CEP89: variants seen among roughly 807,000 people sequenced by gnomAD.
CEP89 encodes the protein centrosomal protein of 89 kDa.
Under a neutral mutation model 97.6 loss-of-function variants are expected in CEP89, and 95 were observed. The observed-to-expected ratio is 0.97, with a 90% CI of 0.82 to 1.15. The LOEUF is 1.15. Among genes scored for constraint, CEP89 ranks in the 50% most tolerant of loss-of-function variants. The pLI is 0.00. For missense variants in CEP89, 869 were observed against 947.7 expected, an observed-to-expected ratio of 0.92 and a Z score of 1.09; for synonymous variants, 354 against 349.1, an observed-to-expected ratio of 1.01 and a Z score of -0.16.
chr19:32,931,612 T>C (rs777757223), intron 8 of CEP89, 41 bp from the exon 9 acceptor site: 1 of 1,446,534 alleles, frequency 6.9e-7, no homozygotes, highest in Non-Finnish European at 9.3e-7. Context: ...AGAAATAACA[T>C]CCAATTTATC....
chr19:32,922,540 C>T (rs1211195464), intron 12 of CEP89, among the ~76,000 whole-genome samples: 1 of 150,372 alleles, frequency 6.7e-6, no homozygotes, highest in African/African-American at 2.5e-5. Context: ...GAGACCCTAA[C>T]TCTAAAAAAA....
At chr19:32,927,401 C>CATAT (rs148686101) in intron 9 of CEP89, among the ~76,000 whole-genome samples, 8 of 149,856 alleles carry the variant, frequency 5.3e-5, no homozygotes, top group African/African-American at 1.2e-4. Context: ...ATACTATTTT[C>CATAT]ATATATATAT....
chr19:32,940,561 A>G (rs1250899139), intron 5 of CEP89, among the ~76,000 whole-genome samples: 2 of 152,014 alleles, frequency 1.3e-5, no homozygotes, highest in African/African-American at 4.8e-5. Context: ...CTATTGGCCT[A>G]CCCTCCCTAG....
intron 8 of CEP89, among the ~76,000 whole-genome samples, chr19:32,932,623 A>G (rs2145929896): frequency 6.6e-6 from 1 of 152,278 alleles, no homozygotes; most frequent in South Asian, 2.1e-4. Flanking sequence ...AATCAATAAA[A>G]AGAAGTCAAG....
At chr19:32,906,826 G>A (rs1276933765) in intron 14 of CEP89, among the ~76,000 whole-genome samples, 4 of 151,792 alleles carry the variant, frequency 2.6e-5, no homozygotes, top group South Asian at 2.1e-4. Flanking sequence ...GCTATTGTGT[G>A]TTTCAGTTCT....
intron 16 of CEP89, among the ~76,000 whole-genome samples, chr19:32,898,328 G>T (rs574744858): frequency 4.3e-4 from 66 of 152,152 alleles, no homozygotes; most frequent in African/African-American, 1.4e-3. Flanking sequence ...GGCTAAAAAA[G>T]TTGACCTCAT....
intron 14 of CEP89, among the ~76,000 whole-genome samples, chr19:32,902,262 G>C (rs1466712258): frequency 6.6e-6 from 1 of 152,106 alleles, no homozygotes; most frequent in South Asian, 2.1e-4. Flanking sequence ...TGCATAGAGA[G>C]TAACTTGGGA....
chr19:32,960,138 A>G, intron 2 of CEP89, 80 bp from the exon 3 acceptor site: 3 of 1,464,458 alleles, frequency 2.0e-6, no homozygotes, highest in Middle Eastern at 3.5e-4. Flanking sequence ...TAAACTCATC[A>G]AGGCTTACCT....
chr19:32,909,796 AG>A (rs1969960929), intron 14 of CEP89, among the ~76,000 whole-genome samples: 1 of 152,242 alleles, frequency 6.6e-6, no homozygotes. Context: ...TTAGGTCATC[AG>A]GAACCTCAGA....
At chr19:32,939,953 A>G in intron 5 of CEP89, 68 bp from the exon 6 acceptor site, 1 of 762,402 alleles carries the variant, frequency 1.3e-6, no homozygotes, top group South Asian at 1.5e-5. Flanking sequence ...CTCAGAAAGT[A>G]CAATCATAGA....
chr19:32,952,373 C>T (rs56270814), intron 4 of CEP89, among the ~76,000 whole-genome samples: 4,195 of 149,702 alleles, frequency 0.028, 206 homozygotes, highest in African/African-American at 0.098. Context: ...CCCAGCTACT[C>T]GGGAGGCTGA....
intron 6 of CEP89, among the ~76,000 whole-genome samples, chr19:32,938,667 G>A (rs1970625461): frequency 6.6e-6 from 1 of 152,170 alleles, no homozygotes; most frequent in African/African-American, 2.4e-5. Context: ...TCTCAGGCCA[G>A]GCCAGGTGTG....
chr19:32,923,470 T>A lies in CEP89; in HGVS notation c.1237A>T (p.Asn413Tyr), dbSNP rs1309654300. The stretch of plus-strand genomic sequence containing the variant: ...TCACTGGTAACAGCACTACTCTTAT[T>A]TAACTCTTGGTGCAATTCTTCATTT... Reference protein sequence around the residue: ...KENEELHQELNKSSAVTSEEW... With the variant: ...KENEELHQELYKSSAVTSEEW... The change falls in exon 12 of 19, where the codon AAT becomes TAT. Residue 413 changes from asparagine to tyrosine, a missense_variant. By Grantham distance (143) the Asn-to-Tyr change is moderately radical. Transcript: ENST00000305768. 5.6e-6 allele frequency: 9 copies of A among 1,609,114 alleles called. No homozygotes were observed. Among genetic ancestry groups the A allele is most frequent in the Non-Finnish European group, 6.8e-6 (8 of 1,175,664 alleles).
intron 17 of CEP89, among the ~76,000 whole-genome samples, chr19:32,885,733 T>G (rs1969381265): frequency 6.6e-6 from 1 of 152,254 alleles, no homozygotes; most frequent in Non-Finnish European, 1.5e-5. Context: ...TCAAGTCTTC[T>G]TTTATTTCAG....
intron 8 of CEP89, among the ~76,000 whole-genome samples, chr19:32,933,187 G>C (rs1970511540): frequency 1.3e-5 from 2 of 152,086 alleles, no homozygotes; most frequent in South Asian, 4.1e-4. Context: ...TGTAAGCTAA[G>C]CATCAAGTTC....
chr19:32,940,977 T>C (rs889019153), intron 5 of CEP89, among the ~76,000 whole-genome samples: 8 of 151,620 alleles, frequency 5.3e-5, no homozygotes, highest in Non-Finnish European at 8.8e-5. Context: ...GCCAGGCTGG[T>C]CTTGAACTCC....
chr19:32,948,089 G>C (rs1194292757), intron 5 of CEP89, among the ~76,000 whole-genome samples, 177 bp downstream of exon 5: 1 of 152,114 alleles, frequency 6.6e-6, no homozygotes, highest in African/African-American at 2.4e-5. Context: ...TTACAGGCGT[G>C]AGCCACCACA....
At chr19:32,957,527 G>T (rs1971074233) in intron 3 of CEP89, among the ~76,000 whole-genome samples, 1 of 151,938 alleles carries the variant, frequency 6.6e-6, no homozygotes, top group African/African-American at 2.4e-5. Flanking sequence ...AAATTAGCCT[G>T]GGCTGGGCAC....
At chr19:32,937,270 G>T in intron 7 of CEP89, 1 of 328,700 alleles carries the variant, frequency 3.0e-6, no homozygotes, top group South Asian at 2.8e-5. Flanking sequence ...TCCCAGTACG[G>T]ATCCCAGTAC....
Sources: gnomAD v4.1 joint callset for allele counts (sites outside exome capture counted in the v4.1 genomes callset) on GRCh38, gnomAD v4.1.1 for gene constraint, MANE v1.5 for transcripts, NCBI Gene and HGNC (gene_info 2026-07-23, HGNC 2026-07-21) for gene names.